CTNNA2: variants seen among roughly 807,000 people sequenced by gnomAD.
The protein encoded by CTNNA2 is catenin alpha-2.
Under a neutral mutation model 101.0 loss-of-function variants are expected in CTNNA2, and 42 were observed. The ratio of observed to expected loss-of-function variants is 0.42; its 90% CI spans 0.32 to 0.54. The LOEUF (loss-of-function observed/expected upper bound fraction) is 0.54. CTNNA2 is among the 20% of genes least tolerant of loss of function. The pLI is 0.14. For missense variants in CTNNA2, 871 were observed against 1,223.1 expected (o/e 0.71, Z 4.29); for synonymous variants, 450 against 456.4 (o/e 0.99, Z 0.18).
chr2:80,300,093 C>T (rs1375100211), intron 7 of CTNNA2, among the ~76,000 whole-genome samples: 1 of 152,106 alleles, frequency 6.6e-6, no homozygotes, highest in African/African-American at 2.4e-5. Context: ...TTTAGAAAGG[C>T]AAACCCAAAT....
At chr2:79,504,603 T>C (rs1671372896) in intron 4 of CTNNA2, among the ~76,000 whole-genome samples, 1 of 152,198 alleles carries the variant, frequency 6.6e-6, no homozygotes, top group Admixed American at 6.5e-5. Context: ...AATTTAATCT[T>C]TAATGACGGA....
intron 3 of CTNNA2, among the ~76,000 whole-genome samples, chr2:79,340,387 G>A (rs1390667367): frequency 6.6e-6 from 1 of 152,098 alleles, no homozygotes; most frequent in Non-Finnish European, 1.5e-5. Context: ...AGACAACAGA[G>A]GCTATTCCTC....
At chr2:80,110,025 TCA>T (rs947539451) in intron 7 of CTNNA2, among the ~76,000 whole-genome samples, 2 of 152,196 alleles carry the variant, frequency 1.3e-5, no homozygotes, top group African/African-American at 4.8e-5. Flanking sequence ...AGGATCCCAT[TCA>T]CAGTGTTGTC....
chr2:79,865,824 A>G (rs1224882472), intron 4 of CTNNA2, among the ~76,000 whole-genome samples: 1 of 152,186 alleles, frequency 6.6e-6, no homozygotes, highest in African/African-American at 2.4e-5. Context: ...GGTTCATGCC[A>G]TTCTGGTGCC....
At chr2:79,924,787 C>G (rs1686913853) in intron 7 of CTNNA2, among the ~76,000 whole-genome samples, 1 of 152,032 alleles carries the variant, frequency 6.6e-6, no homozygotes, top group Non-Finnish European at 1.5e-5. Context: ...TCTAGGCACT[C>G]TGTTGTATTT....
chr2:79,836,510 C>A (rs959864686), intron 3 of CTNNA2, among the ~76,000 whole-genome samples: 2 of 152,170 alleles, frequency 1.3e-5, no homozygotes, highest in Non-Finnish European at 1.5e-5. Context: ...AACAAAGTAT[C>A]ACAAACCACA....
chr2:79,903,274 C>T (rs1429898622), intron 6 of CTNNA2, among the ~76,000 whole-genome samples: 1 of 152,104 alleles, frequency 6.6e-6, no homozygotes, highest in Non-Finnish European at 1.5e-5. Flanking sequence ...TCCATATAGA[C>T]ACAATCCTGA....
At chr2:79,844,897 G>A (rs1169710412) in intron 3 of CTNNA2, among the ~76,000 whole-genome samples, 1 of 151,446 alleles carries the variant, frequency 6.6e-6, no homozygotes, top group Non-Finnish European at 1.5e-5. Context: ...GCTGGGGAGT[G>A]GGCTGTGTGT....
At chr2:79,695,937 A>G (rs922178799) in intron 2 of CTNNA2, among the ~76,000 whole-genome samples, 1 of 152,016 alleles carries the variant, frequency 6.6e-6, no homozygotes, top group African/African-American at 2.4e-5. Context: ...TATTTGCCAG[A>G]GGCAGCATTG....
At chr2:80,265,133 C>A (rs1310276705) in intron 7 of CTNNA2, among the ~76,000 whole-genome samples, 1 of 151,974 alleles carries the variant, frequency 6.6e-6, no homozygotes, top group African/African-American at 2.4e-5. Context: ...CACCACCACA[C>A]CCAGCTAATT....
At chr2:79,234,548 T>C (rs1274362555) in intron 2 of CTNNA2, among the ~76,000 whole-genome samples, 1 of 152,032 alleles carries the variant, frequency 6.6e-6, no homozygotes, top group Non-Finnish European at 1.5e-5. Context: ...CTTTCAGGAG[T>C]TCTCTATATT....
chr2:79,721,108 C>T (rs1323823458), intron 2 of CTNNA2, among the ~76,000 whole-genome samples: 2 of 151,540 alleles, frequency 1.3e-5, no homozygotes, highest in African/African-American at 2.4e-5. Context: ...GAAATCTCAA[C>T]CATTAAGCTC....
At chr2:80,564,509 GTTTTTT>G (rs70940087) in intron 12 of CTNNA2, among the ~76,000 whole-genome samples, 1 of 141,384 alleles carries the variant, frequency 7.1e-6, no homozygotes, top group Admixed American at 7.1e-5. Flanking sequence ...AATTTAGAGA[GTTTTTT>G]TTTTTTTTTT....
In CTNNA2 at chr2:79,214,918, G is replaced by T. The variant is rs537769376; in HGVS notation, c.-406+16842G>T. 1.5e-3 allele frequency among the ~76,000 whole-genome samples: 234 copies of T among 152,130 alleles called. 1 individual carries two copies. Among genetic ancestry groups the T allele is most frequent in the African/African-American group, 5.3e-3 (220 of 41,520 alleles). On this transcript the variant is annotated intron_variant, in intron 2 of 21. Transcript: ENST00000466387. ...CGTCAATACCCACAACAGTTCTGGA[G>T]GCAAGGGAAACAGGCCCTTGAAAAG...
rs1364700573 is a variant in CTNNA2, at chr2:80,546,005, A to T, written c.1482A>T (p.Arg494=). 1 of 1,614,122 alleles carries T rather than the reference A, an allele frequency of 6.2e-7. No homozygotes were observed. The highest frequency in any genetic ancestry group is 1.1e-5 in the South Asian group (1 of 91,070). The change falls in exon 11 of 19, where the codon CGA becomes CGT. Residue 494 remains arginine (R), a synonymous_variant. Coordinates refer to ENST00000402739, the MANE Select transcript of CTNNA2 (RefSeq NM_001282597.3). ...VFKDQWEKQV[R]VLTEAVDDIT... The stretch of plus-strand genomic sequence containing the variant: ...AAGACCAGTGGGAGAAGCAGGTCCG[A>T]GTGTTGACAGAGGCCGTGGATGACA...
chr2:79,667,396 T>C (rs1682495646), intron 2 of CTNNA2, among the ~76,000 whole-genome samples: 1 of 152,220 alleles, frequency 6.6e-6, no homozygotes, highest in African/African-American at 2.4e-5. Context: ...TATAGACTTG[T>C]ATTTCAAAGG....
chr2:79,684,536 T>A (rs540523961), intron 2 of CTNNA2, among the ~76,000 whole-genome samples: 1 of 152,322 alleles, frequency 6.6e-6, no homozygotes, highest in African/African-American at 2.4e-5. Context: ...GCTTAGCAAA[T>A]ACTCTGGCAC....
chr2:79,757,313 G>T (rs1672466148), intron 3 of CTNNA2, among the ~76,000 whole-genome samples: 1 of 152,128 alleles, frequency 6.6e-6, no homozygotes, highest in African/African-American at 2.4e-5. Context: ...AGCAAAAATG[G>T]CAAGAACAAA....
intron 1 of CTNNA2, among the ~76,000 whole-genome samples, chr2:79,567,512 T>A (rs1369410835): frequency 6.6e-6 from 1 of 152,090 alleles, no homozygotes; most frequent in Non-Finnish European, 1.5e-5. Context: ...TACCCTTCCC[T>A]TATTTTTCTT....
Sources: allele counts gnomAD v4.1 joint callset (sites outside exome capture counted in the v4.1 genomes callset), GRCh38; gene constraint gnomAD v4.1.1; transcripts MANE v1.5; gene names NCBI Gene and HGNC (gene_info 2026-07-23, HGNC 2026-07-21).